The following TMEM65 variants were observed in gnomAD, a reference collection of about 807,000 sequenced individuals.
The protein encoded by TMEM65 is transmembrane protein 65.
TMEM65 carries 22 observed loss-of-function variants against 25.4 expected under a neutral mutation model. That is an observed-to-expected ratio of 0.86 (90% CI 0.62 to 1.23). The LOEUF is 1.23. Among genes scored for constraint, TMEM65 ranks in the 50% most tolerant of loss-of-function variants. The pLI, the probability that TMEM65 is intolerant of heterozygous loss-of-function variation, is 0.00. For missense variants in TMEM65, 262 were observed against 308.2 expected, an observed-to-expected ratio of 0.85 and a Z score of 1.12; for synonymous variants, 132 against 126.2, an observed-to-expected ratio of 1.05 and a Z score of -0.31.
At position 124,372,098 on chromosome 8, in the gene TMEM65, C is replaced by G; in HGVS notation, c.60G>C (p.Pro20=). The change falls in exon 1 of 7, where the codon CCG becomes CCC. Residue 20 remains proline (P), a synonymous_variant. Coordinates refer to ENST00000297632, the MANE Select transcript of TMEM65 (RefSeq NM_194291.3). ...SRTARSLRPG[P]AAAAAPRPPS... ...GCGGGCGGGGCGCGGCGGCGGCGGC[C>G]GGGCCCGGCCTCAGGCTGCGCGCGG... The G allele has an allele frequency of 9.1e-7, 1 of 1,099,810 alleles. No individual in the cohort carries two copies. Among genetic ancestry groups the G allele is most frequent in the Non-Finnish European group, 1.1e-6 (1 of 905,594 alleles). The allele number at this position is 1,099,810 out of a possible 1,614,324, so 68.1% of individuals were successfully genotyped here.
At position 124,313,551 on chromosome 8, in the gene TMEM65, T is replaced by C. The variant is rs1814193409; in HGVS notation, c.*409A>G. 2 of 155,152 alleles carry C rather than the reference T, an allele frequency of 1.3e-5. No homozygotes were observed. The highest frequency in any genetic ancestry group is 6.5e-5 in the Admixed American group (1 of 15,456). The allele number at this position is 155,152 out of a possible 1,614,324, so 9.6% of individuals were successfully genotyped here. ...AAAAATCTTTAACTGACATTAAACA[T>C]CTTAAGTAATTTGGAAAAATCCCAA... is the stretch of plus-strand genomic sequence containing the variant. On this transcript the variant is annotated 3_prime_UTR_variant, in exon 7 of 7. Transcript: ENST00000297632.
chr8:124,365,509 G>T (rs769633614), intron 1 of TMEM65, among the ~76,000 whole-genome samples: 2 of 152,196 alleles, frequency 1.3e-5, no homozygotes, highest in Non-Finnish European at 2.9e-5. Context: ...CAAGTCTGTG[G>T]TAGGATGAAT....
chr8:124,308,472 CA>C lies in TMEM65; in HGVS notation c.*5487del, dbSNP rs1430422786. On this transcript the variant is annotated 3_prime_UTR_variant, in exon 7 of 7. Transcript: ENST00000297632. ...CAGAAGACATGAAAGCCATCAAGCCCAAAACAATAAATTCCTGCTGAGGAAA... is the reference window on the plus strand; with the variant it reads ...CAGAAGACATGAAAGCCATCAAGCCCAAACAATAAATTCCTGCTGAGGAAA... The C allele has an allele frequency of 6.6e-6, 1 of 152,070 alleles. No homozygotes were observed. Among genetic ancestry groups the C allele is most frequent in the Non-Finnish European group, 1.5e-5 (1 of 68,028 alleles). The allele number at this position is 152,070 out of a possible 1,614,324, so 9.4% of individuals were successfully genotyped here. A position where few individuals can be genotyped will look rare whatever the true frequency, so the allele number is the denominator to read the frequency against.
rs1586478897 is a variant in TMEM65 at position 124,372,052 on chromosome 8, G to C, written c.106C>G (p.Arg36Gly). The change falls in exon 1 of 7, where the codon CGG (arginine) becomes GGG (glycine). Residue 36 changes from arginine (R) to glycine (G), a missense_variant. Coordinates refer to ENST00000297632, the MANE Select transcript of TMEM65 (RefSeq NM_194291.3). ...PRPPSWCCCG[R>G]GLLALAPPGG... ...GGGGGCGCGAGCGCCAGCAGCCCCC[G>C]CCCGCAGCAGCACCAGGACGGCGGG... is the stretch of plus-strand genomic sequence containing the variant. The C allele has an allele frequency of 2.5e-6, 3 of 1,208,688 alleles. No individual in the cohort carries two copies. In the East Asian group the frequency reaches 1.1e-4, roughly 43 times the overall value. The allele number at this position is 1,208,688 out of a possible 1,614,324, so 74.9% of individuals were successfully genotyped here. A position where few individuals can be genotyped will look rare whatever the true frequency, so the allele number is the denominator to read the frequency against.
chr8:124,371,849 C>A lies in TMEM65; in HGVS notation c.304+5G>T. On this transcript the variant is annotated splice_donor_5th_base_variant and intron_variant, in intron 1 of 6. Transcript: ENST00000297632. ...CCGGGCTCGCCCCCCACCTGCCCCC[C>A]TTACCTTGGGCAATGGCAATAGACT... is the stretch of plus-strand genomic sequence containing the variant. 1 of 1,524,378 alleles carries A rather than the reference C, an allele frequency of 6.6e-7. No individual in the cohort carries two copies. Among genetic ancestry groups the A allele is most frequent in the South Asian group, 1.2e-5 (1 of 83,324 alleles). The allele number at this position is 1,524,378 out of a possible 1,614,324, so 94.4% of individuals were successfully genotyped here.
intron 1 of TMEM65, among the ~76,000 whole-genome samples, chr8:124,358,728 T>C (rs1478879133): frequency 1.3e-5 from 2 of 152,222 alleles, no homozygotes; most frequent in South Asian, 2.1e-4. Flanking sequence ...ATAAACTCTG[T>C]TAAATTTGTC....
chr8:124,365,647 T>C (rs2131231577), intron 1 of TMEM65, among the ~76,000 whole-genome samples: 1 of 151,988 alleles, frequency 6.6e-6, no homozygotes, highest in Admixed American at 6.5e-5. Context: ...TCCTGGATTA[T>C]CCAGGTAAAA....
intron 3 of TMEM65, among the ~76,000 whole-genome samples, chr8:124,326,569 T>C (rs1468999296): frequency 6.6e-6 from 1 of 152,058 alleles, no homozygotes; most frequent in Non-Finnish European, 1.5e-5. Flanking sequence ...AAACAATTAA[T>C]GTAAATCAAA....
At chr8:124,333,466 T>TGC (rs1554589057) in intron 1 of TMEM65, among the ~76,000 whole-genome samples, 23 of 83,226 alleles carry the variant, frequency 2.8e-4, no homozygotes, top group East Asian at 8.5e-4. Flanking sequence ...TGTGTGTGTG[T>TGC]GTGCGTGTGT....
intron 1 of TMEM65, among the ~76,000 whole-genome samples, chr8:124,339,166 T>A (rs1410855309): frequency 8.7e-6 from 1 of 114,392 alleles, no homozygotes; most frequent in African/African-American, 3.4e-5. Flanking sequence ...TACTCCAGCC[T>A]GGGCAACAGA....
In TMEM65 at chr8:124,306,300, G is replaced by A. The variant is rs1814091380; in HGVS notation, c.*7660C>T. 6.6e-6 allele frequency: 1 copy of A among 152,110 alleles called. No homozygotes were observed. The highest frequency in any genetic ancestry group is 6.5e-5 in the Admixed American group (1 of 15,276). 9.4% of individuals were successfully genotyped at this position (152,110 alleles called of 1,614,324 possible). A position where few individuals can be genotyped will look rare whatever the true frequency, so the allele number is the denominator to read the frequency against. On this transcript the variant is annotated 3_prime_UTR_variant, in exon 7 of 7. Coordinates refer to ENST00000297632, the MANE Select transcript of TMEM65 (RefSeq NM_194291.3). ...ATATACATATTCTATTTCCCATTAA[G>A]CATTTGATCATGTTACAAAACAATG...
chr8:124,363,727 C>T (rs1204305605), intron 1 of TMEM65, among the ~76,000 whole-genome samples: 1 of 147,760 alleles, frequency 6.8e-6, no homozygotes. Context: ...GTCCCAGCTA[C>T]TTGGGAGGCT....
At chr8:124,339,248 T>TATATATATATATATATATATATAA (rs1489856057) in intron 1 of TMEM65, among the ~76,000 whole-genome samples, 4 of 104,650 alleles carry the variant, frequency 3.8e-5, no homozygotes, top group African/African-American at 1.3e-4. Context: ...TATATATATA[T>TATATATATATATATATATATATAA]AAAATATTCT....
chr8:124,318,385 T>G (rs1454468300), intron 6 of TMEM65, among the ~76,000 whole-genome samples: 3 of 134,634 alleles, frequency 2.2e-5, no homozygotes, highest in African/African-American at 8.5e-5. Flanking sequence ...TTTTTTTTTT[T>G]TTTTTTTGAG....
chr8:124,356,038 A>C (rs1284789754), intron 1 of TMEM65, among the ~76,000 whole-genome samples: 6 of 152,220 alleles, frequency 3.9e-5, no homozygotes. Flanking sequence ...AAGGAGGGGA[A>C]TAGCAGTATT....
In TMEM65 at chr8:124,311,433, A is replaced by G. The variant is rs1278952734; in HGVS notation, c.*2527T>C. ...TTTTGTTCAATTCCTTTGTAAAAACATTGGTCACCATTTAACATACATGGC... is the reference window on the plus strand; with the variant it reads ...TTTTGTTCAATTCCTTTGTAAAAACGTTGGTCACCATTTAACATACATGGC... On this transcript the variant is annotated 3_prime_UTR_variant, in exon 7 of 7. Coordinates refer to ENST00000297632, the MANE Select transcript of TMEM65 (RefSeq NM_194291.3). 1.3e-5 allele frequency: 2 copies of G among 152,550 alleles called. No individual in the cohort carries two copies. The highest frequency in any genetic ancestry group is 2.9e-5 in the Non-Finnish European group (2 of 68,002). 9.4% of individuals were successfully genotyped at this position (152,550 alleles called of 1,614,324 possible). A position where few individuals can be genotyped will look rare whatever the true frequency, so the allele number is the denominator to read the frequency against.
At chr8:124,364,468 TA>T (rs1814913119) in intron 1 of TMEM65, among the ~76,000 whole-genome samples, 1 of 152,236 alleles carries the variant, frequency 6.6e-6, no homozygotes, top group Non-Finnish European at 1.5e-5. Flanking sequence ...GCATTTGGTG[TA>T]ATGATTAGCA....
chr8:124,364,026 G>A (rs903313381), intron 1 of TMEM65, among the ~76,000 whole-genome samples: 1 of 151,448 alleles, frequency 6.6e-6, no homozygotes, highest in Non-Finnish European at 1.5e-5. Flanking sequence ...CTATTATGAG[G>A]GATATTATCA....
intron 1 of TMEM65, among the ~76,000 whole-genome samples, chr8:124,363,656 T>A (rs1814900246): frequency 6.6e-6 from 1 of 151,250 alleles, no homozygotes; most frequent in South Asian, 2.1e-4. Flanking sequence ...GCTAAAACGG[T>A]GAAACCCCGT....
Sources: gnomAD v4.1 joint callset for allele counts (sites outside exome capture counted in the v4.1 genomes callset) on GRCh38, gnomAD v4.1.1 for gene constraint, MANE v1.5 for transcripts, NCBI Gene and HGNC (gene_info 2026-07-23, HGNC 2026-07-21) for gene names.